TEAD3: variants seen among roughly 807,000 people sequenced by gnomAD.
The protein encoded by TEAD3 is TEA domain transcription factor 3.
TEAD3 carries 15 observed loss-of-function variants against 55.6 expected under a neutral mutation model. The observed-to-expected ratio is 0.27, with a 90% confidence interval of 0.18 to 0.42. The LOEUF (loss-of-function observed/expected upper bound fraction) is 0.42. TEAD3 is among the 10% of genes least tolerant of loss of function. The pLI is 1.00. For missense variants in TEAD3, 407 were observed against 576.8 expected (o/e 0.71, Z 3.01); for synonymous variants, 210 against 232.2 (o/e 0.90, Z 0.87).
At chr6:35,479,163 C>G in intron 5 of TEAD3, 142 bp downstream of exon 5, 1 of 1,071,274 alleles carries the variant, frequency 9.3e-7, no homozygotes, top group Non-Finnish European at 1.4e-6. Context: ...CAGGCGTGAG[C>G]CACCACGCCC....
In TEAD3 at chr6:35,475,905, C is replaced by T. The variant is rs566926215; in HGVS notation, c.900+14G>A. 186 of 1,520,428 alleles carry T rather than the reference C, an allele frequency of 1.2e-4. 4 individuals carry two copies. The South Asian group carries it at 2.1e-3, about 17-fold the overall frequency. 94.2% of individuals were successfully genotyped at this position (1,520,428 alleles called of 1,614,324 possible). Reference sequence around the variant, plus strand: ...GGAAGGGGGCTTGGAGCAGAGAAGGCCAGGGGGACTCACCCAGAACTTGAC... The same window carrying T: ...GGAAGGGGGCTTGGAGCAGAGAAGGTCAGGGGGACTCACCCAGAACTTGAC... On this transcript the variant is annotated intron_variant, in intron 10 of 12. Coordinates refer to ENST00000639578, the Ensembl canonical transcript of TEAD3. This position sits in a 1 kb window ranked among gnomAD's most constrained non-coding sequence, Gnocchi z 5.4.
intron 8 of TEAD3, among the ~76,000 whole-genome samples, chr6:35,476,735 G>T (rs900172508): frequency 1.3e-5 from 2 of 152,246 alleles, no homozygotes; most frequent in African/African-American, 4.8e-5. Context: ...AGATTTCAGT[G>T]CATTTCCTTA....
rs931061150 is a variant in TEAD3 at position 35,488,262 on chromosome 6, C to T, written c.-49-1551G>A. On this transcript the variant is annotated intron_variant, in intron 1 of 12. Coordinates refer to ENST00000639578, the Ensembl canonical transcript of TEAD3. The surrounding 1 kb of genome is among the most constrained non-coding windows in gnomAD (Gnocchi z 4.2). ...CCCACAGCAGCCCGTAAACCACCAA[C>T]ACGCCCGCCCCCGCCCTGGCCCATC... Among the ~76,000 whole-genome samples the T allele has an allele frequency of 7.9e-5, 12 of 152,156 alleles. No homozygotes were observed. The highest frequency in any genetic ancestry group is 1.0e-4 in the Non-Finnish European group (7 of 68,038).
intron 1 of TEAD3, among the ~76,000 whole-genome samples, chr6:35,490,103 G>T (rs1276177630): frequency 6.6e-6 from 1 of 152,128 alleles, no homozygotes. Flanking sequence ...CCCTCGAGCA[G>T]CAGCGGCCCA....
chr6:35,495,915 C>T (rs1768635530), intron 1 of TEAD3, among the ~76,000 whole-genome samples: 1 of 152,228 alleles, frequency 6.6e-6, no homozygotes, highest in African/African-American at 2.4e-5. Flanking sequence ...CAGAAGAAGA[C>T]AGCCCCTGAG....
chr6:35,476,145 G>C, intron 9 of TEAD3, 53 bp from the exon 10 acceptor site: 3 of 1,535,128 alleles, frequency 2.0e-6, no homozygotes, highest in Non-Finnish European at 2.6e-6. Context: ...TGCAGGCCCG[G>C]GGGCGGGGAA....
intron 1 of TEAD3, among the ~76,000 whole-genome samples, chr6:35,490,503 C>T (rs1768490230): frequency 6.6e-6 from 1 of 152,248 alleles, no homozygotes; most frequent in Admixed American, 6.5e-5. Context: ...CACACACAGC[C>T]ATGCACAGGA....
intron 3 of TEAD3, among the ~76,000 whole-genome samples, chr6:35,482,236 C>T (rs894923656): frequency 1.3e-5 from 2 of 152,128 alleles, no homozygotes; most frequent in Admixed American, 6.5e-5. Flanking sequence ...CCACCTGCCT[C>T]GGCCTCCCAA....
rs888581510 is a variant in TEAD3 at position 35,491,750 on chromosome 6, G to A, written c.-49-5039C>T. 6.6e-6 allele frequency among the ~76,000 whole-genome samples: 1 copy of A among 152,250 alleles called. No homozygotes were observed. The highest frequency in any genetic ancestry group is 2.4e-5 in the African/African-American group (1 of 41,458). On this transcript the variant is annotated intron_variant, in intron 1 of 12. Transcript: ENST00000639578. This position sits in a 1 kb window ranked among gnomAD's most constrained non-coding sequence, Gnocchi z 4.4. ...TTCAGGCTCAGAAGGCCTCTGGGTG[G>A]AGGCAGGGATGGGGGCTAGGAGGCT... is the stretch of plus-strand genomic sequence containing the variant.
In TEAD3 at chr6:35,496,014, G is replaced by T. The variant is rs778312822; in HGVS notation, c.-50+884C>A. On this transcript the variant is annotated intron_variant, in intron 1 of 12. Transcript: ENST00000639578. The surrounding 1 kb of genome is among the most constrained non-coding windows in gnomAD (Gnocchi z 4.8). ...CCCTCACCAGGAAAGTTGACAGAGC[G>T]GGGTCTCAATGACACTGCCCCAGGG... is the stretch of plus-strand genomic sequence containing the variant. Among the ~76,000 whole-genome samples the T allele has an allele frequency of 6.6e-6, 1 of 152,196 alleles. No individual in the cohort carries two copies. The highest frequency in any genetic ancestry group is 6.5e-5 in the Admixed American group (1 of 15,286).
chr6:35,492,373 G>T (rs1264493229), intron 1 of TEAD3, among the ~76,000 whole-genome samples: 1 of 151,974 alleles, frequency 6.6e-6, no homozygotes, highest in Non-Finnish European at 1.5e-5. Context: ...TTCTCCAGCT[G>T]CCAGAAGCTC....
rs1434609079 is a variant in TEAD3 at position 35,484,339 on chromosome 6, T to C, written c.267+221A>G. On this transcript the variant is annotated intron_variant, in intron 3 of 12. Coordinates refer to ENST00000639578, the Ensembl canonical transcript of TEAD3. This position sits in a 1 kb window ranked among gnomAD's most constrained non-coding sequence, Gnocchi z 5.8. Reference sequence around the variant, plus strand: ...GGTAGTAGGTGGTCAGAGAGGACAGTGGGGCCATCTCTCCAAGAGAAGTGG... The same window carrying C: ...GGTAGTAGGTGGTCAGAGAGGACAGCGGGGCCATCTCTCCAAGAGAAGTGG... Among the ~76,000 whole-genome samples, 3 of 150,718 alleles carry C rather than the reference T, an allele frequency of 2.0e-5. No individual in the cohort carries two copies. Among genetic ancestry groups the C allele is most frequent in the Admixed American group, 2.0e-4 (3 of 15,146 alleles).
In TEAD3 at chr6:35,484,802, A is replaced by G. The variant is rs577314401; in HGVS notation, c.203-178T>C. 2.6e-5 allele frequency among the ~76,000 whole-genome samples: 4 copies of G among 152,300 alleles called. No homozygotes were observed. Among genetic ancestry groups the G allele is most frequent in the Non-Finnish European group, 5.9e-5 (4 of 68,004 alleles). ...CATGCAAAGGTGGCTGGGGAGTCAC[A>G]GCTGCATCCTACCACCTCCAGGACC... is the stretch of plus-strand genomic sequence containing the variant. On this transcript the variant is annotated intron_variant, in intron 2 of 12. Coordinates refer to ENST00000639578, the Ensembl canonical transcript of TEAD3. This position sits in a 1 kb window ranked among gnomAD's most constrained non-coding sequence, Gnocchi z 5.8.
downstream of TEAD3, chr6:35,474,815 G>A (rs1304157047): frequency 5.8e-6 from 3 of 514,420 alleles, no homozygotes; most frequent in South Asian, 2.4e-5. Context: ...TCAGCGCCCC[G>A]GACAGGCTGC....
chr6:35,489,496 G>T (rs1768459260), intron 1 of TEAD3, among the ~76,000 whole-genome samples: 1 of 152,150 alleles, frequency 6.6e-6, no homozygotes. Flanking sequence ...CAAGCAACTG[G>T]AGCAACTTGA....
Position 35,475,384 on chromosome 6 carries a change from G to C in TEAD3, c.1146C>G (p.Pro382=), listed in dbSNP as rs533332695. 5 of 1,614,054 alleles carry C rather than the reference G, an allele frequency of 3.1e-6. No individual in the cohort carries two copies. The highest frequency in any genetic ancestry group is 1.7e-5 in the Admixed American group (1 of 60,016). Residue 382 remains proline, a synonymous_variant, in exon 12 of 13, where the codon CCC becomes CCG. Coordinates refer to ENST00000639578, the Ensembl canonical transcript of TEAD3. The surrounding 1 kb of genome is among the most constrained non-coding windows in gnomAD (Gnocchi z 5.4). ...GCACGCTGTTCATCATGTACTTCTC[G>C]GGCAGGTGCTTCAGCTTGTGGATGA... is the stretch of plus-strand genomic sequence containing the variant.
intron 1 of TEAD3, among the ~76,000 whole-genome samples, chr6:35,489,892 T>C (rs1768471468): frequency 6.6e-6 from 1 of 151,938 alleles, no homozygotes; most frequent in African/African-American, 2.4e-5. Flanking sequence ...TAAATTTAAA[T>C]TAAAAAAACA....
At chr6:35,482,109 C>T (rs1768277708) in intron 3 of TEAD3, among the ~76,000 whole-genome samples, 1 of 152,122 alleles carries the variant, frequency 6.6e-6, no homozygotes, top group African/African-American at 2.4e-5. Flanking sequence ...CTTAGCCTCC[C>T]GAATAGCTGA....
chr6:35,480,409 A>C, intron 3 of TEAD3, 35 bp from the exon 4 acceptor site: 3 of 1,611,906 alleles, frequency 1.9e-6, no homozygotes, highest in Non-Finnish European at 2.5e-6. Flanking sequence ...AGAGAGGAAA[A>C]CATAGACAGT....
Sources: allele counts gnomAD v4.1 joint callset (sites outside exome capture counted in the v4.1 genomes callset), GRCh38; gene constraint gnomAD v4.1.1; non-coding constraint Gnocchi (gnomAD v3.1); transcripts MANE v1.5; gene names NCBI Gene and HGNC (gene_info 2026-07-23, HGNC 2026-07-21).